Variants in FECH observed in about 807,000 individuals in gnomAD.
FECH encodes ferrochelatase, mitochondrial.
In FECH, 40 loss-of-function variants were observed where a neutral mutation model predicts 56.9. That is an observed-to-expected ratio of 0.70 (90% CI 0.55 to 0.92). FECH has a LOEUF of 0.92. Ranked by LOEUF, FECH falls within the 40% of genes least tolerant of loss-of-function variation. FECH has a pLI of 0.00. For missense variants in FECH, 431 were observed against 529.1 expected, an observed-to-expected ratio of 0.81 and a Z score of 1.82; for synonymous variants, 175 against 198.6, an observed-to-expected ratio of 0.88 and a Z score of 1.00.
chr18:57,561,370 G>A (rs538784487), intron 6 of FECH, among the ~76,000 whole-genome samples: 2 of 152,070 alleles, frequency 1.3e-5, no homozygotes, highest in South Asian at 2.1e-4. Flanking sequence ...TTCTTTTCTC[G>A]GCTTGCAAAG....
At chr18:57,582,455 C>T (rs934090001) in intron 1 of FECH, among the ~76,000 whole-genome samples, 6 of 152,054 alleles carry the variant, frequency 3.9e-5, no homozygotes, top group African/African-American at 1.4e-4. Context: ...GACATTTCCT[C>T]CTTCAAACCT....
intron 1 of FECH, 26 bp downstream of exon 1, chr18:57,586,528 G>A: frequency 6.6e-7 from 1 of 1,518,992 alleles, no homozygotes; most frequent in South Asian, 1.2e-5. Context: ...CCTGGCCCTG[G>A]CGGCCGCCGC....
chr18:57,553,636 C>A (rs2050828572), intron 9 of FECH, among the ~76,000 whole-genome samples: 1 of 152,232 alleles, frequency 6.6e-6, no homozygotes. Context: ...CCCTGAATGA[C>A]AATTCACATC....
chr18:57,580,742 C>G (rs1368044655), intron 1 of FECH, among the ~76,000 whole-genome samples: 1 of 152,088 alleles, frequency 6.6e-6, no homozygotes, highest in Non-Finnish European at 1.5e-5. Context: ...TCCCACTGCA[C>G]CCCACCCCAC....
chr18:57,559,689 T>C (rs891388555), intron 6 of FECH, among the ~76,000 whole-genome samples: 3 of 152,182 alleles, frequency 2.0e-5, no homozygotes, highest in African/African-American at 2.4e-5. Context: ...TAGTCAGGAA[T>C]AGTAGGGAAA....
chr18:57,564,860 T>C (rs1335138307), intron 5 of FECH, among the ~76,000 whole-genome samples: 1 of 152,200 alleles, frequency 6.6e-6, no homozygotes, highest in Admixed American at 6.5e-5. Context: ...AAAGAAGTCA[T>C]TAAGGAGAAA....
chr18:57,573,223 T>C lies in FECH; in HGVS notation c.314+23A>G, dbSNP rs577152. ...GTCAATGTAGTGCCAAGGTTATAAT[T>C]GAGGTGTTTATATATATCTCACTTC... On this transcript the variant is annotated intron_variant, in intron 3 of 10. Transcript: ENST00000262093. The C allele has an allele frequency of 1, 1,606,095 of 1,610,424 alleles. 800,967 individuals are homozygous for C. Among genetic ancestry groups the C allele is most frequent in the East Asian group, 1 (44,872 of 44,872 alleles).
chr18:57,550,343 C>T lies in FECH; in HGVS notation c.*369G>A, dbSNP rs568381670. The T allele has an allele frequency of 4.2e-5, 10 of 235,468 alleles. No individual in the cohort carries two copies. The East Asian group carries it at 1.0e-3, about 24-fold the overall frequency. The allele number at this position is 235,468 out of a possible 1,614,324, so 14.6% of individuals were successfully genotyped here. ...GACTAAACAGATCTCATTCACACTG[C>T]CAGCCCACAGAGGGGACTCTCCGTA... On this transcript the variant is annotated 3_prime_UTR_variant, in exon 11 of 11. Coordinates refer to ENST00000262093, the MANE Select transcript of FECH (RefSeq NM_000140.5).
At chr18:57,561,776 C>G (rs548215406) in intron 6 of FECH, among the ~76,000 whole-genome samples, 1 of 152,306 alleles carries the variant, frequency 6.6e-6, no homozygotes, top group East Asian at 1.9e-4. Context: ...CCTGAAACCC[C>G]CCTCCTTTCC....
intron 2 of FECH, among the ~76,000 whole-genome samples, chr18:57,577,007 A>T (rs2051194003): frequency 6.6e-6 from 1 of 152,252 alleles, no homozygotes; most frequent in Non-Finnish European, 1.5e-5. Flanking sequence ...TTTATATCCC[A>T]GGACTCTCAA....
intron 4 of FECH, among the ~76,000 whole-genome samples, chr18:57,568,466 G>A (rs954182738): frequency 6.6e-6 from 1 of 152,174 alleles, no homozygotes; most frequent in Admixed American, 6.5e-5. Flanking sequence ...CTCTCCAACT[G>A]GGCATATCCT....
intron 7 of FECH, among the ~76,000 whole-genome samples, 162 bp downstream of exon 7, chr18:57,558,983 G>A (rs939466550): frequency 3.3e-5 from 5 of 152,182 alleles, no homozygotes; most frequent in African/African-American, 7.2e-5. Flanking sequence ...TTGTTACGAG[G>A]TTTTAAGAAG....
intron 2 of FECH, 26 bp from the exon 3 acceptor site, chr18:57,573,391 G>T: frequency 6.2e-7 from 1 of 1,613,482 alleles, no homozygotes; most frequent in South Asian, 1.1e-5. Context: ...TACAACGGTT[G>T]ATTTGTCACA....
At chr18:57,561,729 G>A (rs2050946036) in intron 6 of FECH, among the ~76,000 whole-genome samples, 1 of 152,168 alleles carries the variant, frequency 6.6e-6, no homozygotes, top group Admixed American at 6.5e-5. Context: ...ATGCTGTGCA[G>A]ATCCCTCCAT....
chr18:57,563,563 A>C (rs2050973650), intron 5 of FECH, among the ~76,000 whole-genome samples: 1 of 139,598 alleles, frequency 7.2e-6, no homozygotes. Flanking sequence ...CTGGGCAACA[A>C]GAGCGAAACT....
chr18:57,565,198 A>G (rs1056314972), intron 5 of FECH, among the ~76,000 whole-genome samples: 1 of 152,274 alleles, frequency 6.6e-6, no homozygotes, highest in African/African-American at 2.4e-5. Context: ...ATATTGAGGT[A>G]TATTTCTTAA....
chr18:57,574,796 CCATT>C (rs1334914097), intron 2 of FECH, among the ~76,000 whole-genome samples: 1 of 152,242 alleles, frequency 6.6e-6, no homozygotes, highest in Non-Finnish European at 1.5e-5. Flanking sequence ...AGCATTTCTT[CCATT>C]CATTCATTCA....
In FECH at chr18:57,551,393, G is replaced by A. The variant is rs896295055; in HGVS notation, c.1078-19C>T. The A allele has an allele frequency of 1.9e-6, 3 of 1,605,108 alleles. No homozygotes were observed. The highest frequency in any genetic ancestry group is 2.2e-5 in the East Asian group (1 of 44,754). ...CTCCACACTGAATCAAATGAGAAAA[G>A]GGAGGAAAAACACAGATATATTTTA... is the stretch of plus-strand genomic sequence containing the variant. On this transcript the variant is annotated intron_variant, in intron 9 of 10. Coordinates refer to ENST00000262093, the MANE Select transcript of FECH (RefSeq NM_000140.5).
rs542829698 is a variant in FECH at position 57,566,489 on chromosome 18, T to G, written c.556A>C (p.Ile186Leu). 1.2e-6 allele frequency: 2 copies of G among 1,614,210 alleles called. No individual in the cohort carries two copies. The highest frequency in any genetic ancestry group is 2.7e-5 in the African/African-American group (2 of 75,068). Residue 186 changes from isoleucine to leucine, a missense_variant, in exon 5 of 11, where the codon ATT becomes CTT. Transcript: ENST00000262093. ...EMERDGLERA[I>L]AFTQYPQYSC... ...TACTGTGGATACTGTGTGAAAGCAA[T>G]AGCCCTTTCTAGGCCATCTCTCTCC...
Sources: allele counts gnomAD v4.1 joint callset (sites outside exome capture counted in the v4.1 genomes callset), GRCh38; gene constraint gnomAD v4.1.1; transcripts MANE v1.5; gene names NCBI Gene and HGNC (gene_info 2026-07-23, HGNC 2026-07-21).